The following AGBL4 variants were observed in gnomAD, a reference collection of about 807,000 sequenced individuals.
The protein encoded by AGBL4 is cytosolic carboxypeptidase 6.
Under a neutral mutation model 66.4 loss-of-function variants are expected in AGBL4, and 58 were observed. That is an observed-to-expected ratio of 0.87 (90% CI 0.71 to 1.09). AGBL4 has a LOEUF of 1.09. AGBL4 is among the 50% of genes least tolerant of loss of function. The pLI is 0.00. For missense variants in AGBL4, 579 were observed against 631.0 expected (o/e 0.92, Z 0.88); for synonymous variants, 234 against 222.9 (o/e 1.05, Z -0.44).
At chr1:49,591,878 T>C (rs1644757921) in intron 3 of AGBL4, among the ~76,000 whole-genome samples, 2 of 152,312 alleles carry the variant, frequency 1.3e-5, no homozygotes, top group Admixed American at 1.3e-4. Context: ...AATAACTGGC[T>C]AGCCATATGC....
chr1:48,702,200 C>T (rs917290122), intron 6 of AGBL4, among the ~76,000 whole-genome samples: 5 of 152,276 alleles, frequency 3.3e-5, no homozygotes, highest in South Asian at 2.1e-4. Flanking sequence ...CCGCCTTCTG[C>T]TTTCTGAGCC....
intron 4 of AGBL4, among the ~76,000 whole-genome samples, chr1:49,123,532 T>C (rs762153931): frequency 2.6e-5 from 4 of 152,218 alleles, no homozygotes; most frequent in Non-Finnish European, 5.9e-5. Flanking sequence ...TGCTCTCTCA[T>C]AGGATTGCTT....
At chr1:48,897,547 A>G (rs1651642299) in intron 5 of AGBL4, among the ~76,000 whole-genome samples, 1 of 151,858 alleles carries the variant, frequency 6.6e-6, no homozygotes, top group Admixed American at 6.6e-5. Flanking sequence ...TTTTTGAAGA[A>G]CCTCCATACT....
intron 4 of AGBL4, among the ~76,000 whole-genome samples, chr1:49,124,922 G>A (rs1645734659): frequency 6.6e-6 from 1 of 152,166 alleles, no homozygotes; most frequent in Non-Finnish European, 1.5e-5. Context: ...GTGCCTGCCA[G>A]GGCTCAAAGA....
chr1:48,606,825 T>C (rs907967663), intron 9 of AGBL4, among the ~76,000 whole-genome samples: 9 of 152,154 alleles, frequency 5.9e-5, no homozygotes, highest in Non-Finnish European at 8.8e-5. Flanking sequence ...GAGTGATCTA[T>C]GAATAACAAG....
intron 3 of AGBL4, among the ~76,000 whole-genome samples, chr1:49,656,845 T>C (rs1306674525): frequency 6.6e-6 from 1 of 152,198 alleles, no homozygotes; most frequent in African/African-American, 2.4e-5. Flanking sequence ...TCGGCATTGA[T>C]GGGACATATC....
At chr1:49,289,836 A>G (rs1181970141) in intron 3 of AGBL4, among the ~76,000 whole-genome samples, 1 of 152,166 alleles carries the variant, frequency 6.6e-6, no homozygotes, top group Non-Finnish European at 1.5e-5. Context: ...AGTAGAAGGA[A>G]GAACACAGTA....
chr1:49,906,434 G>A (rs1031196368), intron 1 of AGBL4, among the ~76,000 whole-genome samples: 4 of 151,858 alleles, frequency 2.6e-5, no homozygotes, highest in South Asian at 4.1e-4. Flanking sequence ...TTATATTTTC[G>A]TGGTTATAAG....
chr1:49,653,520 T>G (rs1410931127), intron 3 of AGBL4, among the ~76,000 whole-genome samples: 1 of 151,846 alleles, frequency 6.6e-6, no homozygotes, highest in Non-Finnish European at 1.5e-5. Context: ...TAACAAACTT[T>G]ACTAGCTAAA....
At chr1:48,709,680 C>A (rs1646934944) in intron 6 of AGBL4, among the ~76,000 whole-genome samples, 1 of 151,762 alleles carries the variant, frequency 6.6e-6, no homozygotes, top group Admixed American at 6.6e-5. Context: ...CAGCTCACTG[C>A]AAGGTCTGCC....
chr1:49,611,816 T>C (rs1225753432), intron 3 of AGBL4, among the ~76,000 whole-genome samples: 2 of 152,220 alleles, frequency 1.3e-5, no homozygotes, highest in Non-Finnish European at 2.9e-5. Context: ...AATACATTGT[T>C]CAGGTTCTAA....
chr1:49,234,087 T>C (rs1466611423), intron 4 of AGBL4, among the ~76,000 whole-genome samples: 2 of 152,226 alleles, frequency 1.3e-5, no homozygotes, highest in Non-Finnish European at 2.9e-5. Flanking sequence ...AATGATGGTA[T>C]GTTTGAAAGT....
intron 2 of AGBL4, among the ~76,000 whole-genome samples, chr1:49,808,602 C>G (rs1001428930): frequency 6.6e-6 from 1 of 152,026 alleles, no homozygotes; most frequent in African/African-American, 2.4e-5. Flanking sequence ...AACATGAGGA[C>G]TTATAATTTA....
chr1:48,942,404 T>C (rs970688058), intron 5 of AGBL4, among the ~76,000 whole-genome samples: 2 of 152,092 alleles, frequency 1.3e-5, no homozygotes, highest in Admixed American at 6.5e-5. Flanking sequence ...TGAGTGACCC[T>C]GGGCCCATGA....
intron 6 of AGBL4, among the ~76,000 whole-genome samples, chr1:48,676,723 T>C: frequency 6.6e-6 from 1 of 152,122 alleles, no homozygotes; most frequent in East Asian, 1.9e-4. Flanking sequence ...CCCCTAGGTA[T>C]GTGAGGCTAA....
intron 3 of AGBL4, among the ~76,000 whole-genome samples, chr1:49,511,044 T>C (rs1649191836): frequency 6.6e-6 from 1 of 151,804 alleles, no homozygotes; most frequent in Non-Finnish European, 1.5e-5. Context: ...TTCTTTTGGC[T>C]TAGGATTCCT....
At chr1:48,604,132 CAAAA>C (rs1645118691) in intron 9 of AGBL4, among the ~76,000 whole-genome samples, 1 of 57,912 alleles carries the variant, frequency 1.7e-5, no homozygotes. Context: ...GACTTCATCT[CAAAA>C]CAAAACAAAA....
rs544988044 is a variant in AGBL4, at chr1:48,964,275, C to T, written c.594+81309G>A. Among the ~76,000 whole-genome samples, 3 of 152,344 alleles carry T rather than the reference C, an allele frequency of 2.0e-5. No individual in the cohort carries two copies. In the South Asian group the frequency reaches 6.2e-4, roughly 32 times the overall value. On this transcript the variant is annotated intron_variant, in intron 5 of 13. Coordinates refer to ENST00000371839, the MANE Select transcript of AGBL4 (RefSeq NM_032785.4). ...GGTTCTCCTAGACGATGGAGGCCCA[C>T]TCGTGTGCCTGATCTCCGAGCAATA...
At chr1:48,708,157 G>C (rs2148514317) in intron 6 of AGBL4, among the ~76,000 whole-genome samples, 1 of 152,312 alleles carries the variant, frequency 6.6e-6, no homozygotes, top group East Asian at 1.9e-4. Flanking sequence ...ACCGAATCCA[G>C]AGTGAGGGTT....
Sources: gnomAD v4.1 joint callset for allele counts (sites outside exome capture counted in the v4.1 genomes callset) on GRCh38, gnomAD v4.1.1 for gene constraint, MANE v1.5 for transcripts, NCBI Gene and HGNC (gene_info 2026-07-23, HGNC 2026-07-21) for gene names.